The following ADAM7 variants were observed in gnomAD, a reference collection of about 807,000 sequenced individuals.
ADAM7 encodes disintegrin and metalloproteinase domain-containing protein 7.
ADAM7 carries 97 observed loss-of-function variants against 102.9 expected under a neutral mutation model. That is an observed-to-expected ratio of 0.94 (90% CI 0.80 to 1.12). ADAM7 has a LOEUF of 1.12. Among genes scored for constraint, ADAM7 ranks in the 50% most tolerant of loss-of-function variants. The probability of loss-of-function intolerance (pLI) is 0.00; values close to 1 mark genes in which losing one functional copy is unlikely to be tolerated. For synonymous variants in ADAM7, 334 were observed against 304.4 expected (o/e 1.10, Z -1.01); for missense variants, 991 against 908.7 (o/e 1.09, Z -1.16).
chr8:24,461,610 T>C (rs983151037), intron 3 of ADAM7, among the ~76,000 whole-genome samples: 1 of 152,168 alleles, frequency 6.6e-6, no homozygotes, highest in Admixed American at 6.5e-5. Flanking sequence ...CTGATACCCT[T>C]TCTCCACTTT....
Position 24,464,024 on chromosome 8 carries a change from A to C in ADAM7, c.312+64A>C, listed in dbSNP as rs1018719720. The C allele has an allele frequency of 3.5e-6, 5 of 1,428,212 alleles. No homozygotes were observed. In the East Asian group the frequency reaches 1.1e-4, roughly 33 times the overall value. The allele number at this position is 1,428,212 out of a possible 1,614,324, so 88.5% of individuals were successfully genotyped here. On this transcript the variant is annotated intron_variant, in intron 4 of 21. Transcript: ENST00000175238. Reference sequence around the variant, plus strand: ...CAGTATTTCCTGATGTGATTTTGAAACCCTGTTCTAGCTGTACAAGCTGTT... The same window carrying C: ...CAGTATTTCCTGATGTGATTTTGAACCCCTGTTCTAGCTGTACAAGCTGTT...
Position 24,500,912 on chromosome 8 carries a change from CTA to C in ADAM7, c.2108+19_2108+20del, listed in dbSNP as rs1820737435. On this transcript the variant is annotated intron_variant, in intron 19 of 21. Transcript: ENST00000175238. ...AGTTCAGAGGTACATTTACATTTTT[CTA>C]TGTGTTGAAGAAGGGAATTGTTACT... 2 of 1,582,226 alleles carry C rather than the reference CTA, an allele frequency of 1.3e-6. No individual in the cohort carries two copies. The highest frequency in any genetic ancestry group is 1.7e-6 in the Non-Finnish European group (2 of 1,152,604).
intron 7 of ADAM7, among the ~76,000 whole-genome samples, chr8:24,474,546 T>C (rs1819706572): frequency 6.6e-6 from 1 of 152,058 alleles, no homozygotes; most frequent in African/African-American, 2.4e-5. Context: ...TTAATGAGCA[T>C]TCAATATGCT....
chr8:24,444,359 C>T (rs558703382), intron 2 of ADAM7, among the ~76,000 whole-genome samples: 26 of 151,970 alleles, frequency 1.7e-4, no homozygotes, highest in African/African-American at 6.0e-4. Flanking sequence ...ATGCTGTCCT[C>T]TCCAGGGGGT....
chr8:24,443,088 T>A (rs1290443415), intron 2 of ADAM7, among the ~76,000 whole-genome samples: 1 of 152,218 alleles, frequency 6.6e-6, no homozygotes, highest in African/African-American at 2.4e-5. Context: ...AGATAATATA[T>A]GTAAGAGGGA....
intron 9 of ADAM7, among the ~76,000 whole-genome samples, chr8:24,484,121 C>T (rs1314259800): frequency 1.3e-5 from 2 of 152,136 alleles, no homozygotes; most frequent in Non-Finnish European, 2.9e-5. Context: ...GGCGCTTCCC[C>T]TCCATACATG....
chr8:24,457,062 A>G (rs943982293), intron 3 of ADAM7, among the ~76,000 whole-genome samples: 1 of 152,130 alleles, frequency 6.6e-6, no homozygotes, highest in Non-Finnish European at 1.5e-5. Flanking sequence ...AATTTTAGTA[A>G]CTACCAGCAA....
At chr8:24,479,109 C>A (rs2129387243) in intron 8 of ADAM7, among the ~76,000 whole-genome samples, 1 of 152,162 alleles carries the variant, frequency 6.6e-6, no homozygotes, top group South Asian at 2.1e-4. Context: ...TATTGAGAGC[C>A]AGCACCTCCC....
intron 3 of ADAM7, among the ~76,000 whole-genome samples, chr8:24,454,755 C>A (rs538480623): frequency 5.9e-5 from 9 of 152,176 alleles, no homozygotes; most frequent in Non-Finnish European, 1.3e-4. Context: ...ATCGCTCACG[C>A]TGGGAGCTGT....
chr8:24,466,818 G>A lies in ADAM7; in HGVS notation c.409G>A (p.Asp137Asn), dbSNP rs534259238. Residue 137 changes from aspartate (D) to asparagine (N), a missense_variant, in exon 6 of 22, where the codon GAC becomes AAC. Physicochemically the swap from Asp to Asn is conservative, Grantham distance 23. Coordinates refer to ENST00000175238, the MANE Select transcript of ADAM7 (RefSeq NM_003817.4). ...NGLRGFFRIN[D>N]QRYLIEPVKY... The stretch of plus-strand genomic sequence containing the variant: ...CTACAGGGGATTCTTCAGAATAAAC[G>A]ACCAAAGATACCTCATTGAACCAGT... The A allele has an allele frequency of 5.6e-6, 9 of 1,612,826 alleles. No individual in the cohort carries two copies. The African/African-American group carries it at 1.1e-4, about 19-fold the overall frequency.
In ADAM7 at chr8:24,441,426, G is replaced by A. The variant is rs1427286696; in HGVS notation, c.52+266G>A. Among the ~76,000 whole-genome samples, 3 of 152,198 alleles carry A rather than the reference G, an allele frequency of 2.0e-5. No individual in the cohort carries two copies. In the East Asian group the frequency reaches 5.8e-4, roughly 29 times the overall value. ...ATGGCAGGCACTGTGCTGGCCATTA[G>A]CTGCTTTGTATGTTAAAGTGTTTAA... On this transcript the variant is annotated intron_variant, in intron 1 of 21. Transcript: ENST00000175238.
chr8:24,506,086 A>G, intron 20 of ADAM7: 1 of 1,545,768 alleles, frequency 6.5e-7, no homozygotes, highest in Non-Finnish European at 8.7e-7. Flanking sequence ...ATCTCTTCTT[A>G]CTAGCAGAGA....
intron 3 of ADAM7, among the ~76,000 whole-genome samples, chr8:24,452,077 G>T (rs1431810396): frequency 2.0e-5 from 3 of 152,024 alleles, no homozygotes; most frequent in Non-Finnish European, 2.9e-5. Context: ...CAACTATGTG[G>T]TCAATTTTGG....
intron 8 of ADAM7, among the ~76,000 whole-genome samples, chr8:24,479,948 G>GC (rs916905093): frequency 6.6e-6 from 1 of 152,126 alleles, no homozygotes; most frequent in Non-Finnish European, 1.5e-5. Context: ...CAGGATAGAG[G>GC]CAACATTCTT....
rs1563386997 is a variant in ADAM7, at chr8:24,480,133, C to A, written c.706-2009C>A. On this transcript the variant is annotated intron_variant, in intron 8 of 21. Coordinates refer to ENST00000175238, the MANE Select transcript of ADAM7 (RefSeq NM_003817.4). ...GTTTTCTGCCTTGCCTTGTATCTTG[C>A]AATTATGTCTTTTATCACTTCCCTA... Among the ~76,000 whole-genome samples, 3 of 152,150 alleles carry A rather than the reference C, an allele frequency of 2.0e-5. No individual in the cohort carries two copies. In the South Asian group the frequency reaches 6.2e-4, roughly 31 times the overall value.
chr8:24,483,089 C>T (rs912552557), intron 9 of ADAM7, among the ~76,000 whole-genome samples: 1 of 152,134 alleles, frequency 6.6e-6, no homozygotes, highest in African/African-American at 2.4e-5. Context: ...GAACAAACAA[C>T]TAATCTGATA....
intron 8 of ADAM7, among the ~76,000 whole-genome samples, chr8:24,477,023 A>C (rs781549842): frequency 3.9e-5 from 6 of 152,160 alleles, no homozygotes; most frequent in Non-Finnish European, 5.9e-5. Flanking sequence ...CCTCAGCCCT[A>C]TTACTAGGAT....
Position 24,443,720 on chromosome 8 carries a change from G to A in ADAM7, c.156+1144G>A, listed in dbSNP as rs770251640. ...TGGGAGGCCGAGGAGGGCAGATCAC[G>A]TGAGGCCAGGAGTTCAAGACCAGCC... On this transcript the variant is annotated intron_variant, in intron 2 of 21. Coordinates refer to ENST00000175238, the MANE Select transcript of ADAM7 (RefSeq NM_003817.4). Among the ~76,000 whole-genome samples the A allele has an allele frequency of 1.1e-4, 17 of 152,090 alleles. No homozygotes were observed. In the East Asian group the frequency reaches 3.1e-3, roughly 28 times the overall value.
chr8:24,501,601 T>C (rs756340989), intron 20 of ADAM7, 25 bp downstream of exon 20: 15 of 1,536,778 alleles, frequency 9.8e-6, no homozygotes, highest in Non-Finnish European at 1.2e-5. Context: ...TTTGCAACAG[T>C]TAATTTATTG....
Sources: allele counts gnomAD v4.1 joint callset (sites outside exome capture counted in the v4.1 genomes callset), GRCh38; gene constraint gnomAD v4.1.1; transcripts MANE v1.5; gene names NCBI Gene and HGNC (gene_info 2026-07-23, HGNC 2026-07-21).